The following OR9Q1 variants were observed in gnomAD, a reference collection of about 807,000 sequenced individuals.
OR9Q1 encodes the protein olfactory receptor 9Q1.
For missense variants in OR9Q1, 374 were observed against 378.8 expected (o/e 0.99, Z 0.11); for synonymous variants, 153 against 148.6 (o/e 1.03, Z -0.22).
chr11:58,112,492 GA>G (rs1374503407), intron 2 of OR9Q1, among the ~76,000 whole-genome samples: 1 of 151,708 alleles, frequency 6.6e-6, no homozygotes, highest in Non-Finnish European at 1.5e-5. Context: ...TTTTTTCCTA[GA>G]AGGGCCATAC....
At chr11:58,133,371 G>A (rs1345461329) in intron 2 of OR9Q1, among the ~76,000 whole-genome samples, 1 of 152,196 alleles carries the variant, frequency 6.6e-6, no homozygotes, top group Non-Finnish European at 1.5e-5. Context: ...CATAAGGGGA[G>A]ATGGTGTAAC....
At chr11:58,177,815 G>A (rs1358268610) in intron 2 of OR9Q1, among the ~76,000 whole-genome samples, 1 of 152,190 alleles carries the variant, frequency 6.6e-6, no homozygotes, top group East Asian at 1.9e-4. Flanking sequence ...TATTCCATGA[G>A]AAAATATTAA....
chr11:58,087,794 T>C (rs1290801544), intron 2 of OR9Q1, among the ~76,000 whole-genome samples: 3 of 150,516 alleles, frequency 2.0e-5, no homozygotes, highest in Non-Finnish European at 4.4e-5. Context: ...CAACTCCCAC[T>C]TATGAGTGAG....
At chr11:58,173,471 A>G (rs977718643) in intron 2 of OR9Q1, among the ~76,000 whole-genome samples, 1 of 151,644 alleles carries the variant, frequency 6.6e-6, no homozygotes, top group African/African-American at 2.4e-5. Context: ...TGAACTCATC[A>G]TTTTTTATGG....
At chr11:58,026,351 C>T (rs1403208836) in intron 1 of OR9Q1, among the ~76,000 whole-genome samples, 2 of 152,050 alleles carry the variant, frequency 1.3e-5, no homozygotes, top group Non-Finnish European at 2.9e-5. Context: ...TTTTTCCCAA[C>T]TTTTATATTC....
At chr11:58,053,413 A>G (rs1853287785) in intron 1 of OR9Q1, among the ~76,000 whole-genome samples, 1 of 123,560 alleles carries the variant, frequency 8.1e-6, no homozygotes. Flanking sequence ...ACACATGGAC[A>G]CAGGAAGGGG....
chr11:58,174,179 A>G (rs1049705348), intron 2 of OR9Q1, among the ~76,000 whole-genome samples: 2 of 152,200 alleles, frequency 1.3e-5, no homozygotes, highest in Non-Finnish European at 2.9e-5. Context: ...CTTGTGGGAC[A>G]TGAGTAGACC....
chr11:58,076,987 G>C (rs912259756), intron 2 of OR9Q1, among the ~76,000 whole-genome samples: 1 of 152,154 alleles, frequency 6.6e-6, no homozygotes, highest in Admixed American at 6.5e-5. Flanking sequence ...GAGAATGACA[G>C]TTCTGACAAG....
At chr11:58,164,716 G>T (rs1345769114) in intron 2 of OR9Q1, among the ~76,000 whole-genome samples, 1 of 152,052 alleles carries the variant, frequency 6.6e-6, no homozygotes, top group Admixed American at 6.5e-5. Context: ...TTTTGCCATG[G>T]CTGCTCTTAA....
At chr11:58,179,343 A>G (rs988226024) in intron 2 of OR9Q1, 88 bp from the exon 3 acceptor site, 1 of 842,358 alleles carries the variant, frequency 1.2e-6, no homozygotes, top group African/African-American at 1.7e-5. Flanking sequence ...TATTTTGTCC[A>G]CAGTACATTT....
chr11:58,053,046 C>G (rs1853282344), intron 1 of OR9Q1, among the ~76,000 whole-genome samples: 2 of 151,552 alleles, frequency 1.3e-5, no homozygotes, highest in South Asian at 4.2e-4. Flanking sequence ...TGTGGCGATT[C>G]CTCAGGGATC....
intron 2 of OR9Q1, among the ~76,000 whole-genome samples, chr11:58,070,180 T>C (rs1216424973): frequency 6.6e-6 from 1 of 151,550 alleles, no homozygotes; most frequent in Non-Finnish European, 1.5e-5. Flanking sequence ...TTTTGTATTT[T>C]TTTTTTTTTT....
chr11:58,043,126 T>C (rs529530394), intron 1 of OR9Q1, among the ~76,000 whole-genome samples: 22 of 152,236 alleles, frequency 1.4e-4, no homozygotes, highest in Non-Finnish European at 4.4e-5. Context: ...TTGATTTGGA[T>C]ATATTTGTAG....
intron 2 of OR9Q1, among the ~76,000 whole-genome samples, chr11:58,084,006 T>C (rs1423913735): frequency 6.6e-6 from 1 of 151,904 alleles, no homozygotes; most frequent in Non-Finnish European, 1.5e-5. Flanking sequence ...ATGATGTTGA[T>C]AGTTTGATAA....
intron 2 of OR9Q1, among the ~76,000 whole-genome samples, chr11:58,169,515 A>AT (rs1459528626): frequency 1.3e-5 from 2 of 152,114 alleles, no homozygotes; most frequent in African/African-American, 4.8e-5. Context: ...CAGGTTTATA[A>AT]TTTACAGTTT....
At chr11:58,156,438 T>A (rs1180951221) in intron 2 of OR9Q1, among the ~76,000 whole-genome samples, 1 of 152,190 alleles carries the variant, frequency 6.6e-6, no homozygotes, top group Admixed American at 6.5e-5. Flanking sequence ...TCAAAACTAC[T>A]TTGTTAGTAG....
At chr11:58,105,173 C>T (rs1853828238) in intron 2 of OR9Q1, among the ~76,000 whole-genome samples, 2 of 151,886 alleles carry the variant, frequency 1.3e-5, no homozygotes, top group African/African-American at 4.8e-5. Flanking sequence ...GCATCTACAC[C>T]CCTGGTTAAC....
intron 2 of OR9Q1, among the ~76,000 whole-genome samples, chr11:58,172,512 A>T (rs1447556126): frequency 1.3e-5 from 2 of 152,132 alleles, no homozygotes; most frequent in Admixed American, 1.3e-4. Context: ...ACTATTCTCC[A>T]TGCCTTTTTG....
chr11:58,057,222 A>G (rs1273196792), intron 2 of OR9Q1, among the ~76,000 whole-genome samples: 4 of 152,056 alleles, frequency 2.6e-5, no homozygotes, highest in African/African-American at 9.7e-5. Flanking sequence ...TGAACTCCTG[A>G]CGCTAAGTGA....
Sources: allele counts gnomAD v4.1 joint callset (sites outside exome capture counted in the v4.1 genomes callset), GRCh38; gene constraint gnomAD v4.1.1; transcripts MANE v1.5; gene names NCBI Gene and HGNC (gene_info 2026-07-23, HGNC 2026-07-21).